The following IGSF21 variants were observed in gnomAD, a reference collection of about 807,000 sequenced individuals.
IGSF21 encodes immunoglobulin superfamily member 21.
In IGSF21, 28 loss-of-function variants were observed where a neutral mutation model predicts 46.8. The observed-to-expected ratio is 0.60, with a 90% CI of 0.44 to 0.82. The LOEUF is 0.82. Ranked by LOEUF, IGSF21 falls within the 40% of genes least tolerant of loss-of-function variation. The pLI, the probability that IGSF21 is intolerant of heterozygous loss-of-function variation, is 0.00. For missense variants in IGSF21, 624 were observed against 665.5 expected, an observed-to-expected ratio of 0.94 and a Z score of 0.69; for synonymous variants, 284 against 273.6, an observed-to-expected ratio of 1.04 and a Z score of -0.38.
At chr1:18,317,471 C>T (rs1309748704) in intron 3 of IGSF21, among the ~76,000 whole-genome samples, 2 of 152,236 alleles carry the variant, frequency 1.3e-5, no homozygotes, top group Admixed American at 1.3e-4. Context: ...CCACACTCCT[C>T]TCCATGGGAA....
chr1:18,108,569 T>TA (rs1256112198), intron 1 of IGSF21, among the ~76,000 whole-genome samples: 5 of 151,184 alleles, frequency 3.3e-5, no homozygotes, highest in Non-Finnish European at 7.4e-5. Flanking sequence ...GGATGGGTGT[T>TA]AGAGTGTCTG....
chr1:18,221,413 C>A lies in IGSF21; in HGVS notation c.71-6485C>A, dbSNP rs117976210. 3.5e-3 allele frequency among the ~76,000 whole-genome samples: 540 copies of A among 152,216 alleles called. 10 individuals carry two copies. Among genetic ancestry groups the A allele is most frequent in the East Asian group, 0.029 (149 of 5,156 alleles). On this transcript the variant is annotated intron_variant, in intron 1 of 9. Coordinates refer to ENST00000251296, the MANE Select transcript of IGSF21 (RefSeq NM_032880.5). ...CAGGCCCATATCCCTCTCATGGAAG[C>A]CCTCGCTGACCCCGTCCCCTGGGGC... is the stretch of plus-strand genomic sequence containing the variant.
rs530249151 is a variant in IGSF21 at position 18,334,010 on chromosome 1, G to A, written c.306-882G>A. Among the ~76,000 whole-genome samples the A allele has an allele frequency of 1.6e-4, 25 of 152,334 alleles. No homozygotes were observed. Among genetic ancestry groups the A allele is most frequent in the Admixed American group, 2.0e-4 (3 of 15,310 alleles). ...AGTTGCACCAATTTGTTTACACACC[G>A]ATTGTAGCTGCTTTTGTGCTGCAAG... is the stretch of plus-strand genomic sequence containing the variant. On this transcript the variant is annotated intron_variant, in intron 3 of 9. Coordinates refer to ENST00000251296, the MANE Select transcript of IGSF21 (RefSeq NM_032880.5). The surrounding 1 kb of genome is among the most constrained non-coding windows in gnomAD (Gnocchi z 4.3).
At chr1:18,304,605 C>T (rs1344954893) in intron 3 of IGSF21, among the ~76,000 whole-genome samples, 3 of 152,160 alleles carry the variant, frequency 2.0e-5, no homozygotes, top group Admixed American at 1.3e-4. Flanking sequence ...ATGCAGCTTC[C>T]CCCTGACCTG....
intron 1 of IGSF21, among the ~76,000 whole-genome samples, chr1:18,151,853 C>T (rs563203346): frequency 1.7e-3 from 259 of 152,142 alleles, no homozygotes; most frequent in Admixed American, 4.3e-3. Context: ...TGTGGGTGAC[C>T]GTATAATTCA....
chr1:18,182,947 A>G (rs1271005332), intron 1 of IGSF21, among the ~76,000 whole-genome samples: 1 of 152,130 alleles, frequency 6.6e-6, no homozygotes, highest in African/African-American at 2.4e-5. Context: ...GTGACACAGC[A>G]TCATCACTCT....
Position 18,121,600 on chromosome 1 carries a change from C to T in IGSF21, c.70+13402C>T, listed in dbSNP as rs565196805. ...ATTCTCTAAAGTACTCTGGGCAAGA[C>T]AGAGTGCACCTGCCCTCGCCGACAT... is the stretch of plus-strand genomic sequence containing the variant. On this transcript the variant is annotated intron_variant, in intron 1 of 9. Transcript: ENST00000251296. Among the ~76,000 whole-genome samples the T allele has an allele frequency of 3.9e-5, 6 of 152,336 alleles. No homozygotes were observed. The South Asian group carries it at 8.3e-4, about 21-fold the overall frequency.
At chr1:18,306,573 C>A (rs1422012421) in intron 3 of IGSF21, among the ~76,000 whole-genome samples, 2 of 152,178 alleles carry the variant, frequency 1.3e-5, no homozygotes, top group African/African-American at 4.8e-5. Flanking sequence ...TCCTCTGTCC[C>A]CCTAGCTTTC....
intron 3 of IGSF21, among the ~76,000 whole-genome samples, chr1:18,301,372 C>A (rs144006531): frequency 1.4e-4 from 22 of 152,332 alleles, no homozygotes; most frequent in African/African-American, 5.1e-4. Context: ...CACAGTCTTG[C>A]TCTGTCGCCC....
chr1:18,316,080 C>T (rs2124589220), intron 3 of IGSF21, among the ~76,000 whole-genome samples: 1 of 152,306 alleles, frequency 6.6e-6, no homozygotes, highest in Middle Eastern at 3.4e-3. Context: ...AGGCAGAGCC[C>T]CTGATGGGAA....
At chr1:18,296,712 C>T (rs544844959) in intron 3 of IGSF21, among the ~76,000 whole-genome samples, 11 of 152,288 alleles carry the variant, frequency 7.2e-5, no homozygotes, top group African/African-American at 2.4e-4. Flanking sequence ...ACCCCCTCCC[C>T]ATGGAATGTG....
At chr1:18,364,495 C>T (rs78068209) in intron 5 of IGSF21, among the ~76,000 whole-genome samples, 1 of 151,268 alleles carries the variant, frequency 6.6e-6, no homozygotes, top group African/African-American at 2.4e-5. Flanking sequence ...CCCTCTCCCG[C>T]CCCCCTATCG....
chr1:18,350,487 A>G (rs905117928), intron 4 of IGSF21, among the ~76,000 whole-genome samples: 2 of 152,176 alleles, frequency 1.3e-5, no homozygotes, highest in African/African-American at 4.8e-5. Flanking sequence ...GCTCTTTACA[A>G]AGATGCAATC....
At chr1:18,374,789 C>G (rs529476758) in intron 6 of IGSF21, among the ~76,000 whole-genome samples, 1 of 152,140 alleles carries the variant, frequency 6.6e-6, no homozygotes, top group Non-Finnish European at 1.5e-5. Context: ...AAGAGAGGTC[C>G]GGGGACCAGC....
rs564439196 is a variant in IGSF21 at position 18,290,294 on chromosome 1, C to G, written c.184-1572C>G. On this transcript the variant is annotated intron_variant, in intron 2 of 9. Transcript: ENST00000251296. The surrounding 1 kb of genome is among the most constrained non-coding windows in gnomAD (Gnocchi z 4.2). ...CCTCTGTCTCCCCTCTGCACATGGT[C>G]AGAAAGCGCCAAGCCCTCAGAGGGG... 6.6e-6 allele frequency among the ~76,000 whole-genome samples: 1 copy of G among 152,274 alleles called. No homozygotes were observed. Among genetic ancestry groups the G allele is most frequent in the African/African-American group, 2.4e-5 (1 of 41,554 alleles).
chr1:18,148,538 G>A (rs2086491529), intron 1 of IGSF21, among the ~76,000 whole-genome samples: 1 of 152,188 alleles, frequency 6.6e-6, no homozygotes, highest in Admixed American at 6.5e-5. Flanking sequence ...TGGTAAAGCT[G>A]GGATTTGAAC....
In IGSF21 at chr1:18,320,968, C is replaced by T. The variant is rs190342154; in HGVS notation, c.306-13924C>T. On this transcript the variant is annotated intron_variant, in intron 3 of 9. Transcript: ENST00000251296. The stretch of plus-strand genomic sequence containing the variant: ...GAAACTGGGCTGATTGACATCCACG[C>T]GGGTAGGCCAAGTCAGCTCAGAGCT... Among the ~76,000 whole-genome samples, 67 of 152,322 alleles carry T rather than the reference C, an allele frequency of 4.4e-4. 1 individual carries two copies. Among genetic ancestry groups the T allele is most frequent in the Admixed American group, 1.6e-3 (25 of 15,302 alleles).
At chr1:18,143,503 G>A (rs1227768661) in intron 1 of IGSF21, among the ~76,000 whole-genome samples, 2 of 152,154 alleles carry the variant, frequency 1.3e-5, no homozygotes, top group South Asian at 2.1e-4. Context: ...CCATGCCCAT[G>A]GCATGGGTTT....
intron 1 of IGSF21, among the ~76,000 whole-genome samples, chr1:18,208,406 C>T (rs1407832064): frequency 9.0e-5 from 3 of 33,320 alleles, no homozygotes; most frequent in South Asian, 1.8e-3. Flanking sequence ...TTTTTTGAGA[C>T]GGAGTCTTGC....
Sources: allele counts gnomAD v4.1 joint callset (sites outside exome capture counted in the v4.1 genomes callset), GRCh38; gene constraint gnomAD v4.1.1; non-coding constraint Gnocchi (gnomAD v3.1); transcripts MANE v1.5; gene names NCBI Gene and HGNC (gene_info 2026-07-23, HGNC 2026-07-21).